Variants in PER2 observed in about 807,000 individuals in gnomAD.
PER2 encodes period circadian protein homolog 2.
Under a neutral mutation model 121.0 loss-of-function variants are expected in PER2, and 66 were observed. The observed-to-expected ratio is 0.55, with a 90% CI of 0.45 to 0.67. The LOEUF (loss-of-function observed/expected upper bound fraction) is 0.67, where lower values mean the gene tolerates loss of function less well. Among genes scored for constraint, PER2 ranks in the 30% least tolerant of loss-of-function variants. The probability of loss-of-function intolerance (pLI) is 0.00; values close to 1 mark genes in which losing one functional copy is unlikely to be tolerated. For synonymous variants in PER2, 684 were observed against 659.9 expected (o/e 1.04, Z -0.56); for missense variants, 1,521 against 1,635.0 (o/e 0.93, Z 1.20).
intron 20 of PER2, among the ~76,000 whole-genome samples, chr2:238,251,198 G>A (rs925451879): frequency 6.6e-6 from 1 of 152,218 alleles, no homozygotes; most frequent in African/African-American, 2.4e-5. Context: ...TGGAGAGTGT[G>A]TACATTTCTG....
intron 16 of PER2, among the ~76,000 whole-genome samples, 158 bp from the exon 17 acceptor site, chr2:238,257,244 T>A (rs1045299624): frequency 1.3e-5 from 2 of 152,196 alleles, no homozygotes; most frequent in Non-Finnish European, 2.9e-5. Context: ...CATGGGGTGA[T>A]TTGTCCCCAA....
intron 8 of PER2, among the ~76,000 whole-genome samples, chr2:238,266,120 G>A (rs1054376713): frequency 1.3e-5 from 2 of 151,896 alleles, no homozygotes; most frequent in Non-Finnish European, 2.9e-5. Flanking sequence ...GGCCAGGATG[G>A]TCTCGATCTC....
rs1695821645 is a variant in PER2, at chr2:238,258,292, T to C, written c.1884A>G (p.Pro628=). The part of the protein sequence containing the change: ...SSDKRKATVS[P]GPHAGEAEPP... ...ATTAGATACCTCCAGCGTGTGGCCC[T>C]GGGCTGACTGTGGCCTTCCGCTTAT... Residue 628 remains proline (P), a synonymous_variant, in exon 16 of 23, where the codon CCA becomes CCG. Transcript: ENST00000254657. 18 of 1,614,130 alleles carry C rather than the reference T, an allele frequency of 1.1e-5. No homozygotes were observed. Among genetic ancestry groups the C allele is most frequent in the Non-Finnish European group, 1.4e-5 (17 of 1,180,044 alleles).
chr2:238,250,905 A>G (rs1695580618), intron 20 of PER2, among the ~76,000 whole-genome samples, 162 bp from the exon 21 acceptor site: 1 of 152,220 alleles, frequency 6.6e-6, no homozygotes, highest in South Asian at 2.1e-4. Context: ...CACTTCTTGA[A>G]TGCTCTGGGT....
chr2:238,263,378 C>T (rs1695995395), intron 9 of PER2, among the ~76,000 whole-genome samples: 1 of 152,196 alleles, frequency 6.6e-6, no homozygotes, highest in East Asian at 1.9e-4. Context: ...TTTTCAGTGT[C>T]ATTCATTAGT....
chr2:238,292,161 C>G (rs1696960240), upstream of PER2, among the ~76,000 whole-genome samples: 2 of 152,156 alleles, frequency 1.3e-5, no homozygotes, highest in African/African-American at 4.8e-5. Flanking sequence ...GAGATCCTAT[C>G]TTTTCAAAAA....
chr2:238,255,705 A>G lies in PER2; in HGVS notation c.2272T>C (p.Cys758Arg), dbSNP rs1381451159. The G allele has an allele frequency of 1.9e-6, 3 of 1,614,046 alleles. No homozygotes were observed. The highest frequency in any genetic ancestry group is 2.2e-5 in the South Asian group (2 of 91,088). The change falls in exon 18 of 23, where the codon TGC becomes CGC. Residue 758 changes from cysteine (C) to arginine (R), a missense_variant. Transcript: ENST00000254657. ...IRKLSIFQSHCHYYLQERSKG... is the reference protein window; with the variant it reads ...IRKLSIFQSHRHYYLQERSKG... ...GATCTTTCTTGCAAGTAGTAATGGC[A>G]GTGGGACTGGAAAATGCTGAGTTTT...
chr2:238,288,176 G>A (rs2106335667), intron 1 of PER2, among the ~76,000 whole-genome samples, 173 bp downstream of exon 1: 1 of 152,304 alleles, frequency 6.6e-6, no homozygotes, highest in Middle Eastern at 3.4e-3. Context: ...CCTCAGAAGA[G>A]GCAGTCAGCT....
At chr2:238,289,988 G>GC (rs1228072763), upstream of PER2, 1 of 152,270 alleles carries the variant, frequency 6.6e-6, no homozygotes, top group East Asian at 1.9e-4. Context: ...AGAAGCTGGA[G>GC]CCCGCAGCAT....
chr2:238,263,132 T>G, intron 9 of PER2, 74 bp from the exon 10 acceptor site: 2 of 909,392 alleles, frequency 2.2e-6, no homozygotes, highest in Non-Finnish European at 3.6e-6. Context: ...AACCATCTTA[T>G]TCCCTGGAAA....
chr2:238,270,114 T>A (rs1176134476), intron 6 of PER2, among the ~76,000 whole-genome samples: 1 of 152,212 alleles, frequency 6.6e-6, no homozygotes, highest in African/African-American at 2.4e-5. Context: ...TTTGTCAGCC[T>A]CTTTCTTTGG....
chr2:238,275,610 G>T, intron 4 of PER2, 133 bp downstream of exon 4: 1 of 972,036 alleles, frequency 1.0e-6, no homozygotes, highest in Non-Finnish European at 1.6e-6. Context: ...AATCGCTTAA[G>T]CCCAGAAGTC....
intron 9 of PER2, 125 bp downstream of exon 9, chr2:238,265,387 C>T: frequency 1.5e-6 from 1 of 686,444 alleles, no homozygotes; most frequent in South Asian, 1.6e-5. Context: ...TATTTCATTG[C>T]CTGTATATAA....
chr2:238,245,573 A>G lies in PER2; in HGVS notation c.*802T>C, dbSNP rs950672294. On this transcript the variant is annotated 3_prime_UTR_variant, in exon 23 of 23. Transcript: ENST00000254657. The stretch of plus-strand genomic sequence containing the variant: ...CTGGTTTGCAAAGGGAAGTCACCAT[A>G]AAGAGATGACTGATGACATATTTTA... The G allele has an allele frequency of 2.5e-6, 1 of 398,516 alleles. No individual in the cohort carries two copies. The highest frequency in any genetic ancestry group is 2.1e-5 in the African/African-American group (1 of 48,624). 24.7% of individuals were successfully genotyped at this position (398,516 alleles called of 1,614,324 possible). A position where few individuals can be genotyped will look rare whatever the true frequency, so the allele number is the denominator to read the frequency against.
intron 1 of PER2, among the ~76,000 whole-genome samples, chr2:238,278,896 C>T (rs182518784): frequency 3.2e-4 from 48 of 152,290 alleles, no homozygotes; most frequent in Non-Finnish European, 5.0e-4. Context: ...ACTCTGAGTG[C>T]CAGGCCCACG....
At chr2:238,251,812 A>T in intron 19 of PER2, 51 bp from the exon 20 acceptor site, 1 of 532,372 alleles carries the variant, frequency 1.9e-6, no homozygotes, top group Non-Finnish European at 3.5e-6. Context: ...GTCAGGACAC[A>T]GCATATGCAG....
chr2:238,297,946 C>G, the PER2 span, among the ~76,000 whole-genome samples: 146 of 152,212 alleles, frequency 9.6e-4, no homozygotes, highest in African/African-American at 3.5e-3. Flanking sequence ...CAGCAGCCAG[C>G]ATGGGGATGC....
chr2:238,247,823 A>G (rs140790762), intron 22 of PER2, among the ~76,000 whole-genome samples: 2 of 152,350 alleles, frequency 1.3e-5, no homozygotes, highest in Non-Finnish European at 2.9e-5. Flanking sequence ...TGGCTTTGCA[A>G]CCATTTATTC....
chr2:238,278,294 C>T (rs910436583), intron 1 of PER2, among the ~76,000 whole-genome samples: 1 of 152,160 alleles, frequency 6.6e-6, no homozygotes, highest in Non-Finnish European at 1.5e-5. Context: ...TGGTCTCGAA[C>T]TCCTGAAGTC....
Sources: allele counts gnomAD v4.1 joint callset (sites outside exome capture counted in the v4.1 genomes callset), GRCh38; gene constraint gnomAD v4.1.1; transcripts MANE v1.5; gene names NCBI Gene and HGNC (gene_info 2026-07-23, HGNC 2026-07-21).